Variants in SORCS1 observed in about 807,000 individuals in gnomAD.
The protein encoded by SORCS1 is sortilin related VPS10 domain containing receptor 1, also known as VPS10 domain-containing receptor SorCS1.
A neutral mutation model predicts 146.1 loss-of-function variants in SORCS1; 60 were observed. The ratio of observed to expected loss-of-function variants is 0.41; its 90% CI spans 0.33 to 0.51. SORCS1 has a LOEUF of 0.51. Ranked by LOEUF, SORCS1 falls within the 20% of genes least tolerant of loss-of-function variation. The pLI is 0.21. For synonymous variants in SORCS1, 637 were observed against 584.0 expected, an observed-to-expected ratio of 1.09 and a Z score of -1.31; for missense variants, 1,352 against 1,487.6, an observed-to-expected ratio of 0.91 and a Z score of 1.50.
At chr10:107,173,750 G>T in the SORCS1 span, among the ~76,000 whole-genome samples, 2 of 152,096 alleles carry the variant, frequency 1.3e-5, no homozygotes, top group African/African-American at 4.8e-5. Context: ...GGTTCATGTT[G>T]TAGTATATGG....
chr10:107,128,841 A>G (rs981517762), intron 1 of SORCS1, among the ~76,000 whole-genome samples: 29 of 152,278 alleles, frequency 1.9e-4, no homozygotes, highest in African/African-American at 6.5e-4. Flanking sequence ...TCAATCTCCA[A>G]TAAGGTGTCC....
intron 1 of SORCS1, among the ~76,000 whole-genome samples, chr10:107,034,891 A>G (rs977518931): frequency 1.3e-5 from 2 of 151,856 alleles, no homozygotes; most frequent in African/African-American, 4.8e-5. Flanking sequence ...ATATAAAATA[A>G]TTTAATCTAT....
At chr10:106,673,018 A>T in intron 14 of SORCS1, 33 bp from the exon 15 acceptor site, 3 of 1,517,308 alleles carry the variant, frequency 2.0e-6, no homozygotes, top group Non-Finnish European at 1.8e-6. Context: ...AATAATTACA[A>T]TGATAACAAT....
intron 2 of SORCS1, among the ~76,000 whole-genome samples, chr10:106,907,193 T>C (rs961032398): frequency 6.6e-6 from 1 of 152,170 alleles, no homozygotes; most frequent in Non-Finnish European, 1.5e-5. Context: ...CTTTGCTAGG[T>C]CAATGGGTTT....
intron 1 of SORCS1, among the ~76,000 whole-genome samples, chr10:106,985,539 CTT>C (rs575357494): frequency 1.6e-4 from 22 of 135,000 alleles, no homozygotes; most frequent in Admixed American, 5.3e-4. Flanking sequence ...TTCACTTAAG[CTT>C]TTTTTTTTTT....
At chr10:106,724,433 G>A (rs1197349470) in intron 6 of SORCS1, among the ~76,000 whole-genome samples, 3 of 151,734 alleles carry the variant, frequency 2.0e-5, no homozygotes, top group African/African-American at 7.3e-5. Flanking sequence ...AACCCAGGAG[G>A]TGGAGGTTGC....
chr10:106,699,879 G>A (rs991265561), intron 8 of SORCS1, among the ~76,000 whole-genome samples: 1 of 151,950 alleles, frequency 6.6e-6, no homozygotes, highest in Non-Finnish European at 1.5e-5. Context: ...TAGAACCTTG[G>A]GCCTCACCTG....
chr10:107,022,273 A>C (rs1958184952), intron 1 of SORCS1, among the ~76,000 whole-genome samples: 1 of 152,270 alleles, frequency 6.6e-6, no homozygotes, highest in Admixed American at 6.5e-5. Context: ...ATTAACTTGC[A>C]TTCTCATTAG....
At position 107,034,680 on chromosome 10, in the gene SORCS1, C is replaced by CAAAAAA. The variant is rs553032484; in HGVS notation, c.559-78106_559-78101dup. On this transcript the variant is annotated intron_variant, in intron 1 of 25. Transcript: ENST00000263054. ...GGGAAACATGAGCGAAACTCCATCT[C>CAAAAAA]AAAAAAAAAAAAAAAAAAAAAAAAA... Among the ~76,000 whole-genome samples the CAAAAAA allele has an allele frequency of 2.0e-3, 28 of 13,798 alleles. 2 individuals are homozygous for CAAAAAA. Among genetic ancestry groups the CAAAAAA allele is most frequent in the African/African-American group, 3.8e-3 (14 of 3,718 alleles). The allele number at this position is 13,798 out of a possible 152,430, so 9.1% of individuals were successfully genotyped here.
At chr10:106,710,047 A>C (rs1854857873) in intron 6 of SORCS1, among the ~76,000 whole-genome samples, 1 of 152,214 alleles carries the variant, frequency 6.6e-6, no homozygotes, top group Admixed American at 6.5e-5. Context: ...TCTTTGACAA[A>C]GAGGAAAACA....
At chr10:106,705,021 G>A (rs1269269215) in intron 8 of SORCS1, among the ~76,000 whole-genome samples, 2 of 151,884 alleles carry the variant, frequency 1.3e-5, no homozygotes, top group Non-Finnish European at 2.9e-5. Context: ...ACAACACTCA[G>A]TTTTCCTTTT....
chr10:107,021,894 C>T lies in SORCS1; in HGVS notation c.559-65314G>A, dbSNP rs576442839. On this transcript the variant is annotated intron_variant, in intron 1 of 25. Coordinates refer to ENST00000263054, the MANE Select transcript of SORCS1 (RefSeq NM_052918.5). ...TGGTGGAAGCTGTGTTTTATAAATACTTTATATTAAGATTTTTAAATAAGA... is the reference window on the plus strand; with the variant it reads ...TGGTGGAAGCTGTGTTTTATAAATATTTTATATTAAGATTTTTAAATAAGA... Among the ~76,000 whole-genome samples the T allele has an allele frequency of 2.6e-5, 4 of 152,192 alleles. No individual in the cohort carries two copies. In the East Asian group the frequency reaches 7.7e-4, roughly 29 times the overall value.
intron 24 of SORCS1, among the ~76,000 whole-genome samples, chr10:106,595,052 T>G (rs1041002044): frequency 6.6e-6 from 1 of 152,202 alleles, no homozygotes; most frequent in African/African-American, 2.4e-5. Flanking sequence ...CAACTAGTCA[T>G]GTGTGACTCT....
chr10:106,670,077 C>T (rs796724879), intron 16 of SORCS1, among the ~76,000 whole-genome samples: 11 of 152,258 alleles, frequency 7.2e-5, no homozygotes, highest in African/African-American at 2.6e-4. Context: ...TTTTTTAACA[C>T]ATATGTACAT....
chr10:106,605,872 G>A (rs1461096708), intron 23 of SORCS1, among the ~76,000 whole-genome samples: 1 of 152,114 alleles, frequency 6.6e-6, no homozygotes, highest in Non-Finnish European at 1.5e-5. Flanking sequence ...TAGGAGGTGG[G>A]CCATGCCATA....
intron 1 of SORCS1, among the ~76,000 whole-genome samples, chr10:107,096,661 G>A (rs867692699): frequency 2.6e-5 from 4 of 152,024 alleles, no homozygotes; most frequent in African/African-American, 4.8e-5. Flanking sequence ...ATAGACACCC[G>A]CCACCATGCC....
intron 3 of SORCS1, among the ~76,000 whole-genome samples, chr10:106,821,876 C>T (rs148760868): frequency 0.06 from 9,059 of 151,222 alleles, 372 homozygotes; most frequent in East Asian, 0.17. Context: ...GAGCCGAGAT[C>T]GTGCCACTGC....
At chr10:106,889,879 C>T (rs572798625) in intron 2 of SORCS1, among the ~76,000 whole-genome samples, 9 of 114,946 alleles carry the variant, frequency 7.8e-5, no homozygotes, top group Admixed American at 4.2e-4. Context: ...AGTGAGACTA[C>T]GTCTCAAATA....
chr10:107,004,451 T>A (rs1211586888), intron 1 of SORCS1, among the ~76,000 whole-genome samples: 1 of 152,132 alleles, frequency 6.6e-6, no homozygotes, highest in Non-Finnish European at 1.5e-5. Context: ...CAAAAGGATG[T>A]CTTCCATGGG....
Sources: gnomAD v4.1 joint callset for allele counts (sites outside exome capture counted in the v4.1 genomes callset) on GRCh38, gnomAD v4.1.1 for gene constraint, MANE v1.5 for transcripts, NCBI Gene and HGNC (gene_info 2026-07-23, HGNC 2026-07-21) for gene names.